CCP110: variants seen among roughly 807,000 people sequenced by gnomAD.
CCP110 encodes the protein centriolar coiled-coil protein of 110 kDa.
Under a neutral mutation model 105.5 loss-of-function variants are expected in CCP110, and 43 were observed. The ratio of observed to expected loss-of-function variants is 0.41; its 90% CI spans 0.32 to 0.53. The LOEUF is 0.53. Among genes scored for constraint, CCP110 ranks in the 20% least tolerant of loss-of-function variants. CCP110 has a pLI of 0.32. For missense variants in CCP110, 1,016 were observed against 1,189.1 expected, an observed-to-expected ratio of 0.85 and a Z score of 2.14; for synonymous variants, 353 against 392.1, an observed-to-expected ratio of 0.90 and a Z score of 1.18.
rs747840221 is a variant in CCP110 at position 19,547,969 on chromosome 16, A to G, written c.2855A>G (p.Asn952Ser). Residue 952 changes from asparagine (N) to serine (S), a missense_variant, in exon 13 of 15, where the codon AAC becomes AGC. Transcript: ENST00000381396. ...TTTGTCAACAGAGTCCTTCAGCCAA[A>G]CCAAGGACAGAATGCACCTGTTCAT... 1.3e-5 allele frequency: 21 copies of G among 1,611,580 alleles called. No homozygotes were observed. The South Asian group carries it at 2.1e-4, about 16-fold the overall frequency.
intron 3 of CCP110, among the ~76,000 whole-genome samples, chr16:19,533,256 C>T (rs757806789): frequency 6.6e-6 from 1 of 151,920 alleles, no homozygotes; most frequent in Non-Finnish European, 1.5e-5. Flanking sequence ...TATAATGAAC[C>T]TTAAGGGTTC....
chr16:19,531,385 T>A (rs1969861394), intron 2 of CCP110, among the ~76,000 whole-genome samples: 1 of 152,226 alleles, frequency 6.6e-6, no homozygotes, highest in African/African-American at 2.4e-5. Flanking sequence ...ACGATAAGTC[T>A]TGACTGTTAA....
chr16:19,545,959 G>A (rs930121953), intron 11 of CCP110, 69 bp downstream of exon 11: 16 of 859,698 alleles, frequency 1.9e-5, no homozygotes, highest in Admixed American at 1.5e-4. Flanking sequence ...TGGTCTATTT[G>A]CATATTTAAA....
At chr16:19,536,554 T>C (rs1597260367) in exon 4 of CCP110, 1 of 1,614,012 alleles carries the variant, frequency 6.2e-7, no homozygotes, top group Admixed American at 1.7e-5. Context: ...AACCAAGCCT[T>C]AATAAATCAA....
Position 19,548,003 on chromosome 16 carries a change from T to A in CCP110, c.2889T>A (p.Leu963=). 1 of 1,610,054 alleles carries A rather than the reference T, an allele frequency of 6.2e-7. No homozygotes were observed. Among genetic ancestry groups the A allele is most frequent in the Non-Finnish European group, 8.5e-7 (1 of 1,176,384 alleles). Residue 963 remains leucine, a synonymous_variant, in exon 13 of 15, where the codon CTT becomes CTA. Coordinates refer to ENST00000381396, the Ensembl canonical transcript of CCP110. The surrounding 1 kb of genome is among the most constrained non-coding windows in gnomAD (Gnocchi z 4.1). ...AGAATGCACCTGTTCATAGGCTACT[T>A]AGTAGACAAGGGTAAGAATGCCACA...
At chr16:19,536,724 A>G in exon 4 of CCP110, 2 of 1,614,178 alleles carry the variant, frequency 1.2e-6, no homozygotes, top group Non-Finnish European at 1.7e-6. Flanking sequence ...ACCGAAAATA[A>G]TGTTATCAAA....
intron 3 of CCP110, 41 bp from the exon 4 acceptor site, chr16:19,535,899 G>T: frequency 7.8e-7 from 1 of 1,289,094 alleles, no homozygotes. Context: ...GAGACTTTTT[G>T]TGCAATGAGG....
At chr16:19,551,646 T>C (rs1970644991) in exon 15 of CCP110, 1 of 158,578 alleles carries the variant, frequency 6.3e-6, no homozygotes, top group South Asian at 1.9e-4. Flanking sequence ...CATCTCTGCA[T>C]AGTGATTTTT....
chr16:19,541,649 GGAGAGA>G (rs142905705), intron 5 of CCP110, among the ~76,000 whole-genome samples: 45,942 of 128,456 alleles, frequency 0.36, 10,508 homozygotes, highest in Non-Finnish European at 0.51. Context: ...GAGAGAGAGA[GGAGAGA>G]GAGAGAGAGA....
intron 8 of CCP110, among the ~76,000 whole-genome samples, chr16:19,543,613 A>G (rs746502907): frequency 6.6e-6 from 1 of 152,218 alleles, no homozygotes; most frequent in Non-Finnish European, 1.5e-5. Flanking sequence ...GAGCCTATAA[A>G]CGGACGTGCA....
At chr16:19,542,125 G>A in intron 6 of CCP110, 61 bp downstream of exon 6, 1 of 1,162,382 alleles carries the variant, frequency 8.6e-7, no homozygotes, top group East Asian at 2.4e-5. Context: ...ATATTTATTT[G>A]GCACACTATA....
At chr16:19,538,178 G>T (rs779918647) in intron 4 of CCP110, among the ~76,000 whole-genome samples, 3 of 151,420 alleles carry the variant, frequency 2.0e-5, no homozygotes, top group Non-Finnish European at 2.9e-5. Flanking sequence ...ATGCCTCAGC[G>T]TCCTGAGTAG....
chr16:19,547,721 A>G (rs1021013592), intron 12 of CCP110: 2 of 455,106 alleles, frequency 4.4e-6, no homozygotes, highest in Non-Finnish European at 7.9e-6. Context: ...GTTAGTCTAT[A>G]TGTTGGACAT....
At position 19,547,952 on chromosome 16, in the gene CCP110, C is replaced by T. The variant is rs754790961; in HGVS notation, c.2841-3C>T. On this transcript the variant is annotated splice_polypyrimidine_tract_variant and splice_region_variant and intron_variant, in intron 12 of 14. Transcript: ENST00000381396. ...ATTAATTTTTCATTTAATTTGTCAA[C>T]AGAGTCCTTCAGCCAAACCAAGGAC... The T allele has an allele frequency of 6.2e-7, 1 of 1,603,382 alleles. No individual in the cohort carries two copies. The highest frequency in any genetic ancestry group is 1.1e-5 in the South Asian group (1 of 90,712).
At chr16:19,541,404 G>A (rs943047357) in intron 5 of CCP110, among the ~76,000 whole-genome samples, 80 of 152,262 alleles carry the variant, frequency 5.3e-4, no homozygotes, top group Middle Eastern at 6.8e-3. Context: ...AGGCCGAGGT[G>A]GATGGATCAC....
At chr16:19,544,977 G>T in intron 9 of CCP110, 79 bp downstream of exon 9, 1 of 1,005,086 alleles carries the variant, frequency 9.9e-7, no homozygotes, top group African/African-American at 1.6e-5. Flanking sequence ...CTGAAAATAG[G>T]TTTCAATGAA....
chr16:19,552,303 G>C (rs753804960), exon 15 of CCP110: 1 of 152,196 alleles, frequency 6.6e-6, no homozygotes, highest in Non-Finnish European at 1.5e-5. Context: ...GCCAAGGTGG[G>C]TGGATCACCT....
chr16:19,543,552 T>C (rs140178759), intron 8 of CCP110, among the ~76,000 whole-genome samples: 1 of 152,308 alleles, frequency 6.6e-6, no homozygotes, highest in African/African-American at 2.4e-5. Context: ...CAACCATAAC[T>C]GACTGCCTGC....
At position 19,543,816 on chromosome 16, in the gene CCP110, T is replaced by C. The variant is rs1027098730; in HGVS notation, c.2484+822T>C. On this transcript the variant is annotated intron_variant, in intron 8 of 14. Transcript: ENST00000381396. ...CCTCAGGCTTACTAGGATTGGGAAA[T>C]TCCACCCTGGTAAATTTGTGGTCGG... Among the ~76,000 whole-genome samples, 3 of 152,128 alleles carry C rather than the reference T, an allele frequency of 2.0e-5. No homozygotes were observed. In the South Asian group the frequency reaches 6.2e-4, roughly 32 times the overall value.
Sources: allele counts gnomAD v4.1 joint callset (sites outside exome capture counted in the v4.1 genomes callset), GRCh38; gene constraint gnomAD v4.1.1; non-coding constraint Gnocchi (gnomAD v3.1); transcripts MANE v1.5; gene names NCBI Gene and HGNC (gene_info 2026-07-23, HGNC 2026-07-21).